Variants in PARVA observed in about 807,000 individuals in gnomAD.
PARVA encodes the protein alpha-parvin.
In PARVA, 25 loss-of-function variants were observed where a neutral mutation model predicts 52.6. The observed-to-expected ratio is 0.48, with a 90% CI of 0.35 to 0.66. The LOEUF is 0.66. Ranked by LOEUF, PARVA falls within the 30% of genes least tolerant of loss-of-function variation. The pLI is 0.01. For missense variants in PARVA, 373 were observed against 450.9 expected (o/e 0.83, Z 1.56); for synonymous variants, 185 against 179.1 (o/e 1.03, Z -0.26).
At chr11:12,472,001 GAGAA>G (rs1940941748) in intron 1 of PARVA, among the ~76,000 whole-genome samples, 1 of 152,178 alleles carries the variant, frequency 6.6e-6, no homozygotes, top group Non-Finnish European at 1.5e-5. Flanking sequence ...GAAATAGCCT[GAGAA>G]AGAAAGAAAA....
chr11:12,454,359 A>T (rs1408868587), intron 1 of PARVA, among the ~76,000 whole-genome samples: 1 of 152,150 alleles, frequency 6.6e-6, no homozygotes, highest in Non-Finnish European at 1.5e-5. Context: ...GACTTTCCTT[A>T]GGGGCTTTGA....
chr11:12,498,311 C>T (rs1400607034), intron 5 of PARVA, among the ~76,000 whole-genome samples: 2 of 152,284 alleles, frequency 1.3e-5, no homozygotes, highest in East Asian at 1.9e-4. Flanking sequence ...GCTAGAATTA[C>T]AGGCACAAGC....
At chr11:12,431,646 C>T (rs1324293107) in intron 1 of PARVA, among the ~76,000 whole-genome samples, 1 of 152,266 alleles carries the variant, frequency 6.6e-6, no homozygotes, top group Non-Finnish European at 1.5e-5. Context: ...CTGTCCCATG[C>T]TAGGGCCTAA....
Position 12,531,523 on chromosome 11 carries a change from A to C in PARVA, c.*3598A>C, listed in dbSNP as rs1406242472. On this transcript the variant is annotated 3_prime_UTR_variant, in exon 13 of 13. Coordinates refer to ENST00000334956, the MANE Select transcript of PARVA (RefSeq NM_018222.5). ...CAAATGTATACATAATCCACTCCCC[A>C]CAAATTATCACTCATTTATTTTTCC... Among the ~76,000 whole-genome samples, 1 of 152,066 alleles carries C rather than the reference A, an allele frequency of 6.6e-6. No individual in the cohort carries two copies. Among genetic ancestry groups the C allele is most frequent in the African/African-American group, 2.4e-5 (1 of 41,398 alleles).
intron 1 of PARVA, among the ~76,000 whole-genome samples, chr11:12,430,536 C>G (rs1940301844): frequency 6.6e-6 from 1 of 152,138 alleles, no homozygotes; most frequent in Admixed American, 6.5e-5. Flanking sequence ...AGCAGAAAAC[C>G]CACACACAGA....
At position 12,533,284 on chromosome 11, in the gene PARVA, C is replaced by T. The variant is rs1391076700; in HGVS notation, c.*5359C>T. 6.6e-6 allele frequency among the ~76,000 whole-genome samples: 1 copy of T among 152,342 alleles called. No individual in the cohort carries two copies. The highest frequency in any genetic ancestry group is 1.9e-4 in the East Asian group (1 of 5,184). On this transcript the variant is annotated 3_prime_UTR_variant, in exon 13 of 13. Coordinates refer to ENST00000334956, the MANE Select transcript of PARVA (RefSeq NM_018222.5). ...CATGGAGACCAGTGCTTCCAGCCCT[C>T]TCACCTCGGAGGAGGACTCCTGTTT...
intron 4 of PARVA, among the ~76,000 whole-genome samples, chr11:12,492,993 G>GAT (rs989280538): frequency 6.6e-6 from 1 of 151,908 alleles, no homozygotes; most frequent in Non-Finnish European, 1.5e-5. Flanking sequence ...AAAGACTTAT[G>GAT]ATATATATAT....
At chr11:12,520,906 C>T (rs1564870111) in intron 12 of PARVA, among the ~76,000 whole-genome samples, 2 of 152,152 alleles carry the variant, frequency 1.3e-5, no homozygotes, top group African/African-American at 4.8e-5. Context: ...CACTGCACTC[C>T]AGCCTGGGCA....
In PARVA at chr11:12,504,378, C is replaced by T. The variant is rs11547363; in HGVS notation, c.606C>T (p.Arg202=). 207,745 of 1,612,248 alleles carry T rather than the reference C, an allele frequency of 0.13. 13,947 individuals carry two copies. The highest frequency in any genetic ancestry group is 0.16 in the South Asian group (14,559 of 90,950). ...TCGTTGCTCTGTCTCAGTATTTCCG[C>T]GCACCAATTCGACTCCCAGACCATG... is the stretch of plus-strand genomic sequence containing the variant. ...HLLVALSQYF[R]APIRLPDHVS... The change falls in exon 6 of 13, where the codon CGC becomes CGT. Residue 202 remains arginine, a synonymous_variant. Coordinates refer to ENST00000334956, the MANE Select transcript of PARVA (RefSeq NM_018222.5).
At chr11:12,416,670 G>A (rs1940071478) in intron 1 of PARVA, among the ~76,000 whole-genome samples, 1 of 151,838 alleles carries the variant, frequency 6.6e-6, no homozygotes, top group Non-Finnish European at 1.5e-5. Flanking sequence ...AGAAGCGAGT[G>A]GAGAGAAAGA....
At position 12,473,953 on chromosome 11, in the gene PARVA, C is replaced by T. The variant is rs1465617276; in HGVS notation, c.267C>T (p.Arg89=). Residue 89 remains arginine (R), a synonymous_variant, in exon 3 of 13, where the codon CGC becomes CGT. Coordinates refer to ENST00000334956, the MANE Select transcript of PARVA (RefSeq NM_018222.5). Reference sequence around the variant, plus strand: ...GAACAATGGTGGATCCAAACTCACGCAGTGACCCCAAGCTTCAAGAACTGA... The same window carrying T: ...GAACAATGGTGGATCCAAACTCACGTAGTGACCCCAAGCTTCAAGAACTGA... The part of the protein sequence containing the change: ...EVRTMVDPNS[R]SDPKLQELMK... The T allele has an allele frequency of 6.3e-7, 1 of 1,582,442 alleles. No individual in the cohort carries two copies. The highest frequency in any genetic ancestry group is 1.8e-5 in the Admixed American group (1 of 55,172).
intron 4 of PARVA, among the ~76,000 whole-genome samples, chr11:12,494,338 G>A (rs1448197110): frequency 6.6e-6 from 1 of 152,192 alleles, no homozygotes; most frequent in Non-Finnish European, 1.5e-5. Flanking sequence ...TCGGGGGTAT[G>A]AGGCTGAATG....
At position 12,528,768 on chromosome 11, in the gene PARVA, A is replaced by G. The variant is rs1941736362; in HGVS notation, c.*843A>G. On this transcript the variant is annotated 3_prime_UTR_variant, in exon 13 of 13. Transcript: ENST00000334956. Reference sequence around the variant, plus strand: ...TAATAGTGTGTGTGTGGCAGGAGTCATGTCCCTCACATCCTTTGTACAAAT... The same window carrying G: ...TAATAGTGTGTGTGTGGCAGGAGTCGTGTCCCTCACATCCTTTGTACAAAT... The G allele has an allele frequency of 6.6e-6, 1 of 152,652 alleles. No individual in the cohort carries two copies. The highest frequency in any genetic ancestry group is 1.5e-5 in the Non-Finnish European group (1 of 68,038). The allele number at this position is 152,652 out of a possible 1,614,324, so 9.5% of individuals were successfully genotyped here.
intron 1 of PARVA, among the ~76,000 whole-genome samples, chr11:12,387,208 A>G (rs1939585123): frequency 6.6e-6 from 1 of 152,240 alleles, no homozygotes; most frequent in Admixed American, 6.5e-5. Context: ...TTAGGTTTTC[A>G]ATAGGTTGTG....
At chr11:12,459,260 C>G (rs549980341) in intron 1 of PARVA, among the ~76,000 whole-genome samples, 1 of 152,094 alleles carries the variant, frequency 6.6e-6, no homozygotes, top group Non-Finnish European at 1.5e-5. Context: ...CAAAAATTAG[C>G]TGGGCATGGT....
intron 1 of PARVA, among the ~76,000 whole-genome samples, chr11:12,390,423 A>T (rs1408198212): frequency 1.3e-5 from 2 of 152,192 alleles, no homozygotes; most frequent in Non-Finnish European, 2.9e-5. Flanking sequence ...TTCTGAGCAG[A>T]GAATTCTTGG....
chr11:12,471,811 G>C lies in PARVA; in HGVS notation c.137-1934G>C, dbSNP rs139570321. Among the ~76,000 whole-genome samples the C allele has an allele frequency of 2.3e-3, 355 of 152,344 alleles. 2 individuals carry two copies. Among genetic ancestry groups the C allele is most frequent in the African/African-American group, 8.1e-3 (338 of 41,578 alleles). ...ATAGCTCAAGTGGCTAGTAGCTACT[G>C]TATTGGACAGTGCCGATCAGTGTAG... is the stretch of plus-strand genomic sequence containing the variant. On this transcript the variant is annotated intron_variant, in intron 1 of 12. Transcript: ENST00000334956.
chr11:12,444,267 A>G (rs1310257678), intron 1 of PARVA, among the ~76,000 whole-genome samples: 1 of 152,118 alleles, frequency 6.6e-6, no homozygotes, highest in Non-Finnish European at 1.5e-5. Flanking sequence ...AGGCATTGCA[A>G]AATCTTCCAA....
intron 1 of PARVA, among the ~76,000 whole-genome samples, chr11:12,471,673 T>G (rs1940936167): frequency 6.6e-6 from 1 of 152,224 alleles, no homozygotes; most frequent in Non-Finnish European, 1.5e-5. Context: ...TGATGGAACC[T>G]TTCTACATCC....
Sources: allele counts gnomAD v4.1 joint callset (sites outside exome capture counted in the v4.1 genomes callset), GRCh38; gene constraint gnomAD v4.1.1; transcripts MANE v1.5; gene names NCBI Gene and HGNC (gene_info 2026-07-23, HGNC 2026-07-21).